The following RNF185 variants were observed in gnomAD, a reference collection of about 807,000 sequenced individuals.
RNF185 encodes the protein E3 ubiquitin-protein ligase RNF185.
A neutral mutation model predicts 24.9 loss-of-function variants in RNF185; 13 were observed. The observed-to-expected ratio is 0.52, with a 90% confidence interval of 0.34 to 0.83. The LOEUF is 0.83. RNF185 is among the 40% of genes least tolerant of loss of function. RNF185 has a pLI of 0.01. For missense variants in RNF185, 184 were observed against 244.7 expected (o/e 0.75, Z 1.65); for synonymous variants, 79 against 90.3 (o/e 0.88, Z 0.71).
At chr22:31,182,215 G>A (rs995244650) in intron 1 of RNF185, among the ~76,000 whole-genome samples, 1 of 150,052 alleles carries the variant, frequency 6.7e-6, no homozygotes, top group African/African-American at 2.5e-5. Context: ...AGGCCCAAGT[G>A]ATCCTCCCAC....
In RNF185 at chr22:31,196,914, T is replaced by C. The variant is rs772829612; in HGVS notation, c.309-22T>C. ...CTCAAAGCAATTTGTAATAGACTTA[T>C]TTTACACCATTTCTGTTTCAGAGAG... On this transcript the variant is annotated intron_variant, in intron 4 of 6. Transcript: ENST00000326132. 39 of 1,611,236 alleles carry C rather than the reference T, an allele frequency of 2.4e-5. No individual in the cohort carries two copies. In the African/African-American group the frequency reaches 4.4e-4, roughly 18 times the overall value.
Position 31,165,366 on chromosome 22 carries a change from G to C in RNF185, c.-49+5063G>C, listed in dbSNP as rs1334487040. On this transcript the variant is annotated intron_variant, in intron 1 of 6. Transcript: ENST00000326132. ...CATTTCCTTAATGGCTGATGATGAT[G>C]ATGATGATGTTCTTATTGGCCATCT... 2.6e-5 allele frequency among the ~76,000 whole-genome samples: 4 copies of C among 152,178 alleles called. No individual in the cohort carries two copies. In the East Asian group the frequency reaches 7.7e-4, roughly 29 times the overall value.
intron 3 of RNF185, among the ~76,000 whole-genome samples, chr22:31,194,178 G>A (rs565669879): frequency 5.3e-5 from 8 of 152,032 alleles, no homozygotes; most frequent in Non-Finnish European, 8.8e-5. Context: ...GATTACAAGC[G>A]TGAGCCACCG....
Position 31,171,334 on chromosome 22 carries a change from TA to T in RNF185, c.-49+11033del, listed in dbSNP as rs1158082531. Among the ~76,000 whole-genome samples the T allele has an allele frequency of 3.9e-3, 584 of 150,828 alleles. 1 individual carries two copies. Among genetic ancestry groups the T allele is most frequent in the African/African-American group, 0.013 (540 of 41,206 alleles). On this transcript the variant is annotated intron_variant, in intron 1 of 6. Coordinates refer to ENST00000326132, the MANE Select transcript of RNF185 (RefSeq NM_152267.4). ...ACAGGCGCCCACCACTATGACCAGC[TA>T]ATTTTTTTTTTTTTTTGGTGTTTTT...
intron 1 of RNF185, among the ~76,000 whole-genome samples, chr22:31,177,162 T>G (rs946126754): frequency 6.6e-6 from 1 of 152,166 alleles, no homozygotes; most frequent in Admixed American, 6.6e-5. Context: ...TCAGGTACTA[T>G]GTACACACTT....
intron 1 of RNF185, among the ~76,000 whole-genome samples, chr22:31,166,234 G>A (rs1213035797): frequency 2.6e-5 from 4 of 151,498 alleles, no homozygotes; most frequent in East Asian, 1.9e-4. Context: ...CAAGTGATCC[G>A]CCCACCTCAG....
At chr22:31,202,909 C>T (rs866229460) in intron 6 of RNF185, among the ~76,000 whole-genome samples, 50 of 152,172 alleles carry the variant, frequency 3.3e-4, no homozygotes, top group African/African-American at 1.1e-3. Flanking sequence ...CCACCGCGCC[C>T]GGCCCTGGGG....
At chr22:31,165,270 T>C (rs1307377820) in intron 1 of RNF185, among the ~76,000 whole-genome samples, 1 of 152,148 alleles carries the variant, frequency 6.6e-6, no homozygotes, top group East Asian at 1.9e-4. Context: ...ACAACACTTG[T>C]TATTGCCCAC....
intron 1 of RNF185, among the ~76,000 whole-genome samples, chr22:31,184,172 C>T (rs4820040): frequency 0.085 from 12,857 of 150,478 alleles, 818 homozygotes; most frequent in East Asian, 0.4. Context: ...GGGCGGCTGC[C>T]GGGCAGAGGG....
In RNF185 at chr22:31,204,690, T is replaced by A; in HGVS notation, c.*104T>A. 1.4e-6 allele frequency: 1 copy of A among 714,384 alleles called. No homozygotes were observed. The allele number at this position is 714,384 out of a possible 1,614,324, so 44.3% of individuals were successfully genotyped here. A position where few individuals can be genotyped will look rare whatever the true frequency, so the allele number is the denominator to read the frequency against. On this transcript the variant is annotated 3_prime_UTR_variant, in exon 7 of 7. Transcript: ENST00000326132. ...GGCTAATCTTGACTCCTGGAATCAG[T>A]GGGATCAGTAACACATCAAGGAGTC...
chr22:31,184,406 G>A (rs2048075303), intron 1 of RNF185, among the ~76,000 whole-genome samples: 1 of 151,820 alleles, frequency 6.6e-6, no homozygotes, highest in African/African-American at 2.4e-5. Context: ...ATGACCGCCG[G>A]GGAGAGGCGC....
intron 3 of RNF185, among the ~76,000 whole-genome samples, chr22:31,195,249 G>A (rs909740005): frequency 6.6e-6 from 1 of 152,192 alleles, no homozygotes; most frequent in Non-Finnish European, 1.5e-5. Context: ...ACCGCACCCG[G>A]CCAATTATGA....
chr22:31,160,590 C>T (rs1341057193), intron 1 of RNF185, among the ~76,000 whole-genome samples: 1 of 152,224 alleles, frequency 6.6e-6, no homozygotes, highest in Non-Finnish European at 1.5e-5. Flanking sequence ...CCGTGCGAGA[C>T]CGCCTCTATC....
intron 1 of RNF185, among the ~76,000 whole-genome samples, chr22:31,182,057 A>T (rs975909213): frequency 8.2e-6 from 1 of 121,414 alleles, no homozygotes; most frequent in Admixed American, 7.8e-5. Flanking sequence ...GGTTTTGTTT[A>T]AAAAAAAAAA....
At position 31,195,456 on chromosome 22, in the gene RNF185, C is replaced by G; in HGVS notation, c.196-13C>G. ...TTGGGCCATCCACATGCATTTTTCT[C>G]TCCTGTTTGCAGTGGTTGGAGACCA... On this transcript the variant is annotated splice_polypyrimidine_tract_variant and intron_variant, in intron 3 of 6. Transcript: ENST00000326132. 6.3e-7 allele frequency: 1 copy of G among 1,579,352 alleles called. No individual in the cohort carries two copies. The highest frequency in any genetic ancestry group is 8.6e-7 in the Non-Finnish European group (1 of 1,160,128).
In RNF185 at chr22:31,195,598, C is replaced by G; in HGVS notation, c.308+17C>G. On this transcript the variant is annotated intron_variant, in intron 4 of 6. Coordinates refer to ENST00000326132, the MANE Select transcript of RNF185 (RefSeq NM_152267.4). ...GGACCCCAGGTGAGGACTCAGGATG[C>G]CTCTCCCAACCACTTCTCCCCTTGG... 6.7e-7 allele frequency: 1 copy of G among 1,487,650 alleles called. No individual in the cohort carries two copies. Among genetic ancestry groups the G allele is most frequent in the South Asian group, 1.2e-5 (1 of 84,320 alleles). 92.2% of individuals were successfully genotyped at this position (1,487,650 alleles called of 1,614,324 possible).
chr22:31,191,540 A>G (rs931887396), intron 2 of RNF185, among the ~76,000 whole-genome samples: 1 of 152,138 alleles, frequency 6.6e-6, no homozygotes, highest in Non-Finnish European at 1.5e-5. Flanking sequence ...GAAAGAAATT[A>G]AAAATGTGGG....
chr22:31,186,435 C>G (rs2048098555), intron 1 of RNF185, among the ~76,000 whole-genome samples: 1 of 152,068 alleles, frequency 6.6e-6, no homozygotes, highest in Non-Finnish European at 1.5e-5. Context: ...AACCCCATCT[C>G]TACTAAAAAT....
At chr22:31,169,782 A>C (rs1225827550) in intron 1 of RNF185, among the ~76,000 whole-genome samples, 1 of 152,126 alleles carries the variant, frequency 6.6e-6, no homozygotes, top group Non-Finnish European at 1.5e-5. Context: ...TTCTGGGCTC[A>C]AGTGATCTGC....
Sources: allele counts gnomAD v4.1 joint callset (sites outside exome capture counted in the v4.1 genomes callset), GRCh38; gene constraint gnomAD v4.1.1; transcripts MANE v1.5; gene names NCBI Gene and HGNC (gene_info 2026-07-23, HGNC 2026-07-21).